Variants in FAM114A2 observed in about 807,000 individuals in gnomAD.
FAM114A2 encodes protein FAM114A2.
Under a neutral mutation model 58.4 loss-of-function variants are expected in FAM114A2, and 53 were observed. The ratio of observed to expected loss-of-function variants is 0.91; its 90% CI spans 0.73 to 1.14. The LOEUF (loss-of-function observed/expected upper bound fraction) is 1.14, where lower values mean the gene tolerates loss of function less well. FAM114A2 is among the 50% of genes most tolerant of loss of function. FAM114A2 has a pLI of 0.00. For missense variants in FAM114A2, 601 were observed against 581.1 expected, an observed-to-expected ratio of 1.03 and a Z score of -0.35; for synonymous variants, 228 against 211.4, an observed-to-expected ratio of 1.08 and a Z score of -0.68.
In FAM114A2 at chr5:154,034,910, G is replaced by A. The variant is rs1772447509; in HGVS notation, c.44C>T (p.Ala15Val). The change falls in exon 2 of 14, where the codon GCA (alanine) becomes GTA (valine). Residue 15 changes from alanine to valine, a missense_variant. Ala to Val is a moderately conservative substitution (Grantham distance 64). Coordinates refer to ENST00000351797, the MANE Select transcript of FAM114A2 (RefSeq NM_018691.4). Reference protein sequence around the residue: ...DDIETPLLTEAAPILEDGNCE... With the variant: ...DDIETPLLTEVAPILEDGNCE... ...GTTTCCATCTTCAAGGATGGGGGCT[G>A]CTTCAGTTAGCAGTGGAGTCTCAAT... The A allele has an allele frequency of 1.2e-6, 2 of 1,613,920 alleles. No homozygotes were observed. The highest frequency in any genetic ancestry group is 4.5e-5 in the East Asian group (2 of 44,878).
At chr5:154,000,246 C>A (rs1769889308) in intron 11 of FAM114A2, among the ~76,000 whole-genome samples, 1 of 151,948 alleles carries the variant, frequency 6.6e-6, no homozygotes, top group South Asian at 2.1e-4. Flanking sequence ...TTAATGAGTA[C>A]AAACATACAG....
At chr5:154,003,304 G>A (rs904309668) in intron 9 of FAM114A2, among the ~76,000 whole-genome samples, 1 of 151,082 alleles carries the variant, frequency 6.6e-6, no homozygotes, top group Admixed American at 6.6e-5. Flanking sequence ...TTAGCCTCCC[G>A]AGTAGCTGGG....
At position 154,034,905 on chromosome 5, in the gene FAM114A2, G is replaced by C. The variant is rs769138176; in HGVS notation, c.49C>G (p.Pro17Ala). The C allele has an allele frequency of 6.2e-7, 1 of 1,613,892 alleles. No homozygotes were observed. The highest frequency in any genetic ancestry group is 8.5e-7 in the Non-Finnish European group (1 of 1,179,828). The change falls in exon 2 of 14, where the codon CCC becomes GCC. Residue 17 changes from proline (P) to alanine (A), a missense_variant. Pro to Ala is a conservative substitution (Grantham distance 27). Coordinates refer to ENST00000351797, the MANE Select transcript of FAM114A2 (RefSeq NM_018691.4). ...TCACAGTTTCCATCTTCAAGGATGG[G>C]GGCTGCTTCAGTTAGCAGTGGAGTC... Reference protein sequence around the residue: ...IETPLLTEAAPILEDGNCEPA... With the variant: ...IETPLLTEAAAILEDGNCEPA...
In FAM114A2 at chr5:153,992,697, G is replaced by T. The variant is rs1425251504; in HGVS notation, c.*279C>A. On this transcript the variant is annotated 3_prime_UTR_variant, in exon 14 of 14. Coordinates refer to ENST00000351797, the MANE Select transcript of FAM114A2 (RefSeq NM_018691.4). ...CAAAGAAAGACCAACATTTTTGCCTGAGTGTCCCACTAATCTTTATCTAGA... is the reference window on the plus strand; with the variant it reads ...CAAAGAAAGACCAACATTTTTGCCTTAGTGTCCCACTAATCTTTATCTAGA... The T allele has an allele frequency of 4.1e-6, 1 of 243,256 alleles. No individual in the cohort carries two copies. Among genetic ancestry groups the T allele is most frequent in the Non-Finnish European group, 7.8e-6 (1 of 128,198 alleles). The allele number at this position is 243,256 out of a possible 1,614,324, so 15.1% of individuals were successfully genotyped here.
At chr5:153,993,232 T>A (rs1427254608) in intron 13 of FAM114A2, 122 bp from the exon 14 acceptor site, 4 of 768,928 alleles carry the variant, frequency 5.2e-6, no homozygotes, top group Non-Finnish European at 7.7e-6. Flanking sequence ...GCCTGGCAAG[T>A]AAGAGCAGTG....
In FAM114A2 at chr5:153,994,931, T is replaced by C. The variant is rs377581886; in HGVS notation, c.1371A>G (p.Ala457=). 4.4e-6 allele frequency: 7 copies of C among 1,603,610 alleles called. No homozygotes were observed. The highest frequency in any genetic ancestry group is 1.3e-5 in the African/African-American group (1 of 74,692). The change falls in exon 13 of 14, where the codon GCA becomes GCG. Residue 457 remains alanine, a synonymous_variant. Transcript: ENST00000351797. ...AACAATTACTAACCTCTAGAAATAC[T>C]GCAGTGATTAATGGGTTAAGGACAT... The part of the protein sequence containing the change: ...MADVLNPLIT[A]VFLEASNSAS...
chr5:154,019,118 G>A (rs1581805718), intron 8 of FAM114A2, among the ~76,000 whole-genome samples: 1 of 152,106 alleles, frequency 6.6e-6, no homozygotes, highest in Non-Finnish European at 1.5e-5. Context: ...CAAACTAACT[G>A]TCACTGTTTG....
intron 1 of FAM114A2, among the ~76,000 whole-genome samples, chr5:154,035,346 A>G (rs1037619248): frequency 1.3e-5 from 2 of 151,784 alleles, no homozygotes; most frequent in Non-Finnish European, 2.9e-5. Flanking sequence ...CACTTCCGAC[A>G]CTCCTTCCAA....
Position 153,991,287 on chromosome 5 carries a change from A to C in FAM114A2, c.*1689T>G, listed in dbSNP as rs1769237017. 6.6e-6 allele frequency: 1 copy of C among 152,234 alleles called. No homozygotes were observed. Among genetic ancestry groups the C allele is most frequent in the Admixed American group, 6.5e-5 (1 of 15,284 alleles). 9.4% of individuals were successfully genotyped at this position (152,234 alleles called of 1,614,324 possible). On this transcript the variant is annotated 3_prime_UTR_variant, in exon 14 of 14. Transcript: ENST00000351797. ...AAATACATTTCTAGGTTAAGGATTT[A>C]AAGCTGCCAAACTGCCATTGTACAA... is the stretch of plus-strand genomic sequence containing the variant.
rs533818238 is a variant in FAM114A2, at chr5:154,010,079, T to C, written c.993+1162A>G. Among the ~76,000 whole-genome samples the C allele has an allele frequency of 7.2e-5, 11 of 152,352 alleles. No individual in the cohort carries two copies. The South Asian group carries it at 1.0e-3, about 14-fold the overall frequency. On this transcript the variant is annotated intron_variant, in intron 9 of 13. Coordinates refer to ENST00000351797, the MANE Select transcript of FAM114A2 (RefSeq NM_018691.4). ...ATCCCTATCCTTAGCAGACACATAC[T>C]GAAACATTTAGAAGAGCAATAATGT... is the stretch of plus-strand genomic sequence containing the variant.
At chr5:154,029,430 A>C in intron 5 of FAM114A2, 59 bp downstream of exon 5, 3 of 943,002 alleles carry the variant, frequency 3.2e-6, no homozygotes, top group Non-Finnish European at 5.2e-6. Flanking sequence ...AGAGAGAAAG[A>C]TATGCAAACC....
At chr5:154,011,107 C>A (rs1770666115) in intron 9 of FAM114A2, 134 bp downstream of exon 9, 1 of 649,802 alleles carries the variant, frequency 1.5e-6, no homozygotes, top group Non-Finnish European at 2.7e-6. Context: ...AGATGCAGAA[C>A]CCAATTCTGG....
intron 8 of FAM114A2, among the ~76,000 whole-genome samples, chr5:154,023,651 T>C (rs532943867): frequency 5.0e-4 from 76 of 152,032 alleles, no homozygotes; most frequent in Admixed American, 9.8e-4. Flanking sequence ...GTGTGGTGTA[T>C]ACTGCTCAGG....
Position 153,994,948 on chromosome 5 carries a change from T to C in FAM114A2, c.1354A>G (p.Asn452Asp). Residue 452 changes from asparagine to aspartate, a missense_variant, in exon 13 of 14, where the codon AAC becomes GAC. Coordinates refer to ENST00000351797, the MANE Select transcript of FAM114A2 (RefSeq NM_018691.4). The stretch of plus-strand genomic sequence containing the variant: ...AGAAATACTGCAGTGATTAATGGGT[T>C]AAGGACATCTGCCATTTCTTTGACC... ...AGVKEMADVLNPLITAVFLEA... is the reference protein window; with the variant it reads ...AGVKEMADVLDPLITAVFLEA... 1 of 1,609,750 alleles carries C rather than the reference T, an allele frequency of 6.2e-7. No homozygotes were observed. Among genetic ancestry groups the C allele is most frequent in the East Asian group, 2.2e-5 (1 of 44,752 alleles).
chr5:154,013,084 C>T (rs145895730), intron 8 of FAM114A2, among the ~76,000 whole-genome samples: 314 of 151,704 alleles, frequency 2.1e-3, no homozygotes, highest in African/African-American at 7.1e-3. Flanking sequence ...TCCAAATACC[C>T]ACATATTATG....
chr5:154,009,105 T>G (rs1770531846), intron 9 of FAM114A2, among the ~76,000 whole-genome samples: 1 of 152,206 alleles, frequency 6.6e-6, no homozygotes. Flanking sequence ...CCAGTGGCAA[T>G]GAGTACACTT....
Position 153,993,193 on chromosome 5 carries a change from T to C in FAM114A2, c.1384-83A>G, listed in dbSNP as rs76890735. On this transcript the variant is annotated intron_variant, in intron 13 of 13. Coordinates refer to ENST00000351797, the MANE Select transcript of FAM114A2 (RefSeq NM_018691.4). ...TACTGTAAGGCAACAGGGGAACAGA[T>C]TAATTTTTGTAATCTAACTGAATTC... is the stretch of plus-strand genomic sequence containing the variant. The C allele has an allele frequency of 6.4e-3, 7,298 of 1,140,500 alleles. 275 individuals are homozygous for C. The East Asian group carries it at 0.11, about 18-fold the overall frequency. The allele number at this position is 1,140,500 out of a possible 1,614,324, so 70.6% of individuals were successfully genotyped here.
In FAM114A2 at chr5:154,011,797, T is replaced by C. The variant is rs557157731; in HGVS notation, c.914-477A>G. 1.1e-4 allele frequency among the ~76,000 whole-genome samples: 16 copies of C among 152,148 alleles called. 1 individual carries two copies. The South Asian group carries it at 3.1e-3, about 30-fold the overall frequency. On this transcript the variant is annotated intron_variant, in intron 8 of 13. Transcript: ENST00000351797. ...CTTGAGTACAAGTTAGCCAGGAGAA[T>C]AGGAAGAGTTTCAGGCAGAGAAACA...
In FAM114A2 at chr5:154,002,952, G is replaced by A. The variant is rs749257012; in HGVS notation, c.1011C>T (p.His337=). 23 of 1,613,596 alleles carry A rather than the reference G, an allele frequency of 1.4e-5. No homozygotes were observed. The highest frequency in any genetic ancestry group is 5.0e-5 in the Admixed American group (3 of 59,958). ...TGGTCAGAGACTTCCTGATCCATTC[G>A]TGGGCGGTATTTCTTGCCTAAATAA... ...EKLARARNTA[H]EWIRKSLTKP... The change falls in exon 10 of 14, where the codon CAC becomes CAT. Residue 337 remains histidine, a synonymous_variant. Coordinates refer to ENST00000351797, the MANE Select transcript of FAM114A2 (RefSeq NM_018691.4).
Sources: gnomAD v4.1 joint callset for allele counts (sites outside exome capture counted in the v4.1 genomes callset) on GRCh38, gnomAD v4.1.1 for gene constraint, MANE v1.5 for transcripts, NCBI Gene and HGNC (gene_info 2026-07-23, HGNC 2026-07-21) for gene names.